The following CDC14A variants were observed in gnomAD, a reference collection of about 807,000 sequenced individuals.
CDC14A encodes dual specificity protein phosphatase CDC14A.
In CDC14A, 53 loss-of-function variants were observed where a neutral mutation model predicts 74.4. The ratio of observed to expected loss-of-function variants is 0.71; its 90% CI spans 0.57 to 0.89. CDC14A has a LOEUF of 0.89. CDC14A is among the 40% of genes least tolerant of loss of function. The probability of loss-of-function intolerance (pLI) is 0.00; values close to 1 mark genes in which losing one functional copy is unlikely to be tolerated. For missense variants in CDC14A, 646 were observed against 713.7 expected, an observed-to-expected ratio of 0.91 and a Z score of 1.08; for synonymous variants, 247 against 258.4, an observed-to-expected ratio of 0.96 and a Z score of 0.43.
At chr1:100,443,865 T>C (rs1332691501) in intron 7 of CDC14A, among the ~76,000 whole-genome samples, 1 of 152,150 alleles carries the variant, frequency 6.6e-6, no homozygotes, top group Non-Finnish European at 1.5e-5. Context: ...TAACTTTTTC[T>C]GAAAGATGAG....
At chr1:100,457,172 G>A (rs1217155406) in intron 8 of CDC14A, among the ~76,000 whole-genome samples, 2 of 152,196 alleles carry the variant, frequency 1.3e-5, no homozygotes, top group Non-Finnish European at 2.9e-5. Context: ...GTTTGACTAC[G>A]TTTTCTTAAT....
intron 2 of CDC14A, chr1:100,363,126 A>C (rs936588511): frequency 2.0e-5 from 3 of 152,184 alleles, no homozygotes; most frequent in East Asian, 1.9e-4. Flanking sequence ...ATGCAAATGG[A>C]CTTTCCACTC....
intron 2 of CDC14A, among the ~76,000 whole-genome samples, chr1:100,375,146 C>T (rs989274705): frequency 1.3e-5 from 2 of 152,038 alleles, no homozygotes; most frequent in African/African-American, 4.8e-5. Context: ...GGACTTTGAG[C>T]AAGGTAGAGT....
chr1:100,422,483 T>A (rs186183725), intron 4 of CDC14A, among the ~76,000 whole-genome samples: 339 of 152,304 alleles, frequency 2.2e-3, no homozygotes, highest in Admixed American at 3.6e-3. Context: ...TTATAACCAA[T>A]TCTGTTATAT....
chr1:100,412,414 T>G (rs1203781753), intron 4 of CDC14A, among the ~76,000 whole-genome samples: 1 of 151,982 alleles, frequency 6.6e-6, no homozygotes, highest in Non-Finnish European at 1.5e-5. Flanking sequence ...TGCTTGGTAC[T>G]GGTAAGTCTT....
chr1:100,449,020 T>G (rs1665849041), intron 7 of CDC14A, among the ~76,000 whole-genome samples: 1 of 152,192 alleles, frequency 6.6e-6, no homozygotes, highest in Admixed American at 6.5e-5. Flanking sequence ...GATACAAAAT[T>G]TCTCACTGAT....
At chr1:100,496,185 T>G (rs1647761918) in intron 13 of CDC14A, 136 bp downstream of exon 13, 1 of 690,858 alleles carries the variant, frequency 1.4e-6, no homozygotes, top group East Asian at 2.7e-5. Flanking sequence ...CTCTTCCATA[T>G]TGTTTATGCC....
intron 7 of CDC14A, among the ~76,000 whole-genome samples, chr1:100,450,102 T>C (rs1246201777): frequency 3.3e-5 from 5 of 152,172 alleles, no homozygotes; most frequent in African/African-American, 4.8e-5. Context: ...TCAATTTAGT[T>C]TAATATGTGA....
chr1:100,484,122 G>A (rs1207269500), intron 10 of CDC14A, among the ~76,000 whole-genome samples, 170 bp from the exon 11 acceptor site: 1 of 152,128 alleles, frequency 6.6e-6, no homozygotes, highest in African/African-American at 2.4e-5. Flanking sequence ...CTTTTTGAAA[G>A]TGACTTCATT....
chr1:100,492,920 A>G (rs1267788922), intron 11 of CDC14A, among the ~76,000 whole-genome samples: 2 of 151,896 alleles, frequency 1.3e-5, no homozygotes, highest in African/African-American at 2.4e-5. Flanking sequence ...TCAGAACTAT[A>G]TAGCCTGATT....
intron 15 of CDC14A, among the ~76,000 whole-genome samples, chr1:100,517,483 T>TA (rs376049983): frequency 2.0e-5 from 3 of 152,018 alleles, no homozygotes; most frequent in Non-Finnish European, 2.9e-5. Context: ...TGTTTCCTGC[T>TA]AAAAAAAATA....
chr1:100,412,718 A>T (rs1282571610), intron 4 of CDC14A, among the ~76,000 whole-genome samples: 3 of 100,312 alleles, frequency 3.0e-5, no homozygotes, highest in African/African-American at 2.0e-4. Context: ...ATATATATAT[A>T]TATATTTTAT....
chr1:100,420,120 GTTTTTTTTTTTT>G lies in CDC14A; in HGVS notation c.310-4088_310-4077del, dbSNP rs61463263. Among the ~76,000 whole-genome samples the G allele has an allele frequency of 6.0e-4, 29 of 48,204 alleles. 1 individual carries two copies. The highest frequency in any genetic ancestry group is 1.2e-3 in the African/African-American group (15 of 12,030). The allele number at this position is 48,204 out of a possible 152,430, so 31.6% of individuals were successfully genotyped here. On this transcript the variant is annotated intron_variant, in intron 4 of 15. Transcript: ENST00000336454. Reference sequence around the variant, plus strand: ...GTGTGTGTTATGCTTTGCTGAAAAGGTTTTTTTTTTTTTTTTTTTTTTTTTGGAGGAAAAATA... The same window carrying G: ...GTGTGTGTTATGCTTTGCTGAAAAGGTTTTTTTTTTTTTGGAGGAAAAATA...
intron 10 of CDC14A, among the ~76,000 whole-genome samples, chr1:100,471,667 T>A (rs1668409250): frequency 6.6e-6 from 1 of 152,096 alleles, no homozygotes; most frequent in Admixed American, 6.6e-5. Context: ...TAGAATAGAA[T>A]ATAAAGTGCA....
At chr1:100,482,478 T>C in intron 10 of CDC14A, among the ~76,000 whole-genome samples, 1 of 152,200 alleles carries the variant, frequency 6.6e-6, no homozygotes, top group East Asian at 1.9e-4. Context: ...TCTTTCCAGA[T>C]ACTTCTGGAA....
rs2270693 is a variant in CDC14A at position 100,484,123 on chromosome 1, T to A, written c.978-169T>A. Among the ~76,000 whole-genome samples the A allele has an allele frequency of 0.015, 2,338 of 152,296 alleles. 34 individuals are homozygous for A. Among genetic ancestry groups the A allele is most frequent in the East Asian group, 0.063 (328 of 5,182 alleles). On this transcript the variant is annotated intron_variant, in intron 10 of 15. Coordinates refer to ENST00000336454, the MANE Select transcript of CDC14A (RefSeq NM_003672.4). ...GAATCTTATTTTGGCTTTTTGAAAGTGACTTCATTGTTCTTTATTCTAAGA... is the reference window on the plus strand; with the variant it reads ...GAATCTTATTTTGGCTTTTTGAAAGAGACTTCATTGTTCTTTATTCTAAGA...
Position 100,498,092 on chromosome 1 carries a change from T to C in CDC14A, c.1306T>C (p.Ser436Pro), listed in dbSNP as rs753660541. ...CCATTTTTCTCCGCAAAGATTAAGTTCATCCCTGCAAGGATCTGCAGTTAC... is the reference window on the plus strand; with the variant it reads ...CCATTTTTCTCCGCAAAGATTAAGTCCATCCCTGCAAGGATCTGCAGTTAC... ...RAVSQPFRLSSSLQGSAVTLK... is the reference protein window; with the variant it reads ...RAVSQPFRLSPSLQGSAVTLK... Residue 436 changes from serine (S) to proline (P), a missense_variant, in exon 14 of 16, where the codon TCA becomes CCA. By Grantham distance (74) the Ser-to-Pro change is moderately conservative (BLOSUM62 -1). Transcript: ENST00000336454. 57 of 1,612,254 alleles carry C rather than the reference T, an allele frequency of 3.5e-5. No individual in the cohort carries two copies. The highest frequency in any genetic ancestry group is 3.7e-5 in the Non-Finnish European group (44 of 1,179,536).
At chr1:100,490,347 T>C (rs987625083) in intron 11 of CDC14A, among the ~76,000 whole-genome samples, 23 of 152,248 alleles carry the variant, frequency 1.5e-4, no homozygotes, top group Non-Finnish European at 2.4e-4. Flanking sequence ...GGCTATTTAT[T>C]AATCACTGAG....
At chr1:100,446,355 A>G (rs1041454533) in intron 7 of CDC14A, among the ~76,000 whole-genome samples, 2 of 152,222 alleles carry the variant, frequency 1.3e-5, no homozygotes, top group African/African-American at 4.8e-5. Context: ...AAAGAGTGCT[A>G]CTTATAAATG....
Sources: gnomAD v4.1 joint callset for allele counts (sites outside exome capture counted in the v4.1 genomes callset) on GRCh38, gnomAD v4.1.1 for gene constraint, MANE v1.5 for transcripts, NCBI Gene and HGNC (gene_info 2026-07-23, HGNC 2026-07-21) for gene names.